NUP210L: variants seen among roughly 807,000 people sequenced by gnomAD.
NUP210L encodes the protein nuclear pore membrane glycoprotein 210-like.
In NUP210L, 74 loss-of-function variants were observed where a neutral mutation model predicts 208.5. That is an observed-to-expected ratio of 0.35 (90% CI 0.29 to 0.43). NUP210L has a LOEUF of 0.43. NUP210L is among the 20% of genes least tolerant of loss of function. The pLI, the probability that NUP210L is intolerant of heterozygous loss-of-function variation, is 1.00. For missense variants in NUP210L, 1,843 were observed against 2,289.4 expected (o/e 0.81, Z 3.98); for synonymous variants, 780 against 816.9 (o/e 0.95, Z 0.77).
chr1:154,007,937 T>C (rs1476701470), intron 35 of NUP210L, among the ~76,000 whole-genome samples: 2 of 150,854 alleles, frequency 1.3e-5, no homozygotes, highest in African/African-American at 2.4e-5. Flanking sequence ...AGTGGCACGA[T>C]TTTGGCTCAC....
At chr1:154,092,270 G>A (rs1655964452) in intron 15 of NUP210L, among the ~76,000 whole-genome samples, 1 of 149,648 alleles carries the variant, frequency 6.7e-6, no homozygotes, top group South Asian at 2.1e-4. Context: ...TAGTAGAGAT[G>A]GGGTTTCACC....
At chr1:153,999,209 C>A (rs1356528063) in intron 37 of NUP210L, among the ~76,000 whole-genome samples, 1 of 152,050 alleles carries the variant, frequency 6.6e-6, no homozygotes, top group East Asian at 1.9e-4. Flanking sequence ...AAGTAGCTTC[C>A]CTTGAGGGGT....
chr1:154,070,991 A>G (rs1654684643), intron 16 of NUP210L, among the ~76,000 whole-genome samples: 1 of 152,060 alleles, frequency 6.6e-6, no homozygotes, highest in African/African-American at 2.4e-5. Context: ...CCTTTTTGGT[A>G]TATTTTAATC....
intron 9 of NUP210L, 30 bp from the exon 10 acceptor site, chr1:154,126,493 C>T: frequency 1.3e-6 from 2 of 1,584,410 alleles, no homozygotes; most frequent in Non-Finnish European, 8.6e-7. Flanking sequence ...TAACACAAAC[C>T]TGAAGATATG....
Position 154,017,065 on chromosome 1 carries a change from G to C in NUP210L, c.4653+1868C>G, listed in dbSNP as rs147385802. Among the ~76,000 whole-genome samples the C allele has an allele frequency of 4.7e-3, 719 of 152,226 alleles. 10 individuals carry two copies. Among genetic ancestry groups the C allele is most frequent in the African/African-American group, 0.017 (690 of 41,540 alleles). On this transcript the variant is annotated intron_variant, in intron 33 of 39. Transcript: ENST00000368559. ...GGAGGCGGAGGCGAGCAGATCACAT[G>C]AGGCCAGTAGTTCGAGACCAGCCTG... is the stretch of plus-strand genomic sequence containing the variant.
chr1:154,105,470 CAG>C (rs986367210), intron 12 of NUP210L, among the ~76,000 whole-genome samples: 1 of 126,506 alleles, frequency 7.9e-6, no homozygotes, highest in Non-Finnish European at 1.6e-5. Flanking sequence ...GCCTAGGTGA[CAG>C]AGCAAAAATC....
intron 31 of NUP210L, 85 bp downstream of exon 31, chr1:154,023,037 G>A: frequency 7.6e-7 from 1 of 1,318,290 alleles, no homozygotes; most frequent in Non-Finnish European, 1.0e-6. Context: ...AATGTGAGAG[G>A]AATTTACTGG....
chr1:154,087,431 A>G (rs1655686184), intron 16 of NUP210L, among the ~76,000 whole-genome samples: 1 of 152,156 alleles, frequency 6.6e-6, no homozygotes, highest in African/African-American at 2.4e-5. Flanking sequence ...TCAAAATGAC[A>G]AATAATAGTA....
intron 7 of NUP210L, among the ~76,000 whole-genome samples, chr1:154,133,405 G>A (rs971641341): frequency 3.3e-5 from 5 of 151,956 alleles, no homozygotes; most frequent in Non-Finnish European, 5.9e-5. Context: ...GACACAATTA[G>A]TATGGCACGG....
chr1:154,026,959 T>G lies in NUP210L; in HGVS notation c.3947+547A>C, dbSNP rs574992997. Among the ~76,000 whole-genome samples the G allele has an allele frequency of 2.5e-3, 379 of 151,764 alleles. 2 individuals are homozygous for G. Among genetic ancestry groups the G allele is most frequent in the Non-Finnish European group, 4.0e-3 (270 of 67,910 alleles). ...TTAGCCAGGTGTGGTGGCAGGCACC[T>G]GTAATCCCAGCTACTCAGGAGGCTG... On this transcript the variant is annotated intron_variant, in intron 29 of 39. Transcript: ENST00000368559.
At chr1:154,000,526 C>T (rs965859715) in intron 37 of NUP210L, among the ~76,000 whole-genome samples, 3 of 152,158 alleles carry the variant, frequency 2.0e-5, no homozygotes, top group Non-Finnish European at 4.4e-5. Flanking sequence ...GAAACAAGCA[C>T]TGCACTGTGA....
intron 10 of NUP210L, among the ~76,000 whole-genome samples, chr1:154,122,841 C>A (rs1316328517): frequency 6.6e-6 from 1 of 151,826 alleles, no homozygotes; most frequent in Non-Finnish European, 1.5e-5. Flanking sequence ...GGTGGAGCAC[C>A]TGAGTTCAGG....
intron 34 of NUP210L, among the ~76,000 whole-genome samples, chr1:154,011,292 C>G (rs1378095464): frequency 2.0e-5 from 3 of 148,736 alleles, no homozygotes; most frequent in Non-Finnish European, 4.4e-5. Flanking sequence ...GGCACAATCT[C>G]AGCTCACTGC....
At chr1:154,008,672 C>G (rs1050111277) in intron 35 of NUP210L, among the ~76,000 whole-genome samples, 2 of 152,196 alleles carry the variant, frequency 1.3e-5, no homozygotes, top group African/African-American at 4.8e-5. Context: ...TGCCACTGCA[C>G]TCCAGTCTGG....
intron 17 of NUP210L, among the ~76,000 whole-genome samples, chr1:154,066,963 CAA>C (rs529269172): frequency 6.6e-6 from 1 of 151,950 alleles, no homozygotes; most frequent in Non-Finnish European, 1.5e-5. Flanking sequence ...GTCTACCAAC[CAA>C]AAAAAGTCCA....
chr1:154,062,196 T>C (rs1320587340), intron 17 of NUP210L, among the ~76,000 whole-genome samples: 2 of 152,122 alleles, frequency 1.3e-5, no homozygotes, highest in African/African-American at 2.4e-5. Flanking sequence ...CTTTATCTCT[T>C]ATTTCCTTTA....
At chr1:154,135,713 G>C in intron 7 of NUP210L, 101 bp downstream of exon 7, 2 of 1,082,120 alleles carry the variant, frequency 1.8e-6, no homozygotes, top group South Asian at 2.6e-5. Flanking sequence ...GAGCCACCGC[G>C]CCCGGCCATA....
At chr1:154,005,386 G>A (rs1650462980) in intron 35 of NUP210L, among the ~76,000 whole-genome samples, 1 of 151,436 alleles carries the variant, frequency 6.6e-6, no homozygotes, top group Non-Finnish European at 1.5e-5. Flanking sequence ...GAGCCACCAG[G>A]CCTGGCTAAT....
intron 15 of NUP210L, among the ~76,000 whole-genome samples, chr1:154,091,075 T>C (rs1441559473): frequency 2.2e-3 from 99 of 44,770 alleles, no homozygotes; most frequent in Admixed American, 7.5e-3. Context: ...ATTGCTGTTA[T>C]TATTATTATT....
Sources: allele counts gnomAD v4.1 joint callset (sites outside exome capture counted in the v4.1 genomes callset), GRCh38; gene constraint gnomAD v4.1.1; transcripts MANE v1.5; gene names NCBI Gene and HGNC (gene_info 2026-07-23, HGNC 2026-07-21).